EED: variants seen among roughly 807,000 people sequenced by gnomAD.
EED encodes embryonic ectoderm development, also known as polycomb protein EED.
In EED, 9 loss-of-function variants were observed where a neutral mutation model predicts 61.0. The ratio of observed to expected loss-of-function variants is 0.15; its 90% confidence interval spans 0.09 to 0.26. The LOEUF (loss-of-function observed/expected upper bound fraction) is 0.26. Ranked by LOEUF, EED falls within the 10% of genes least tolerant of loss-of-function variation. The pLI, the probability that EED is intolerant of heterozygous loss-of-function variation, is 1.00. For missense variants in EED, 315 were observed against 542.3 expected (o/e 0.58, Z 4.16); for synonymous variants, 187 against 174.4 (o/e 1.07, Z -0.57).
intron 2 of EED, among the ~76,000 whole-genome samples, chr11:86,251,307 TATAGTTTC>T: frequency 6.6e-6 from 1 of 152,290 alleles, no homozygotes; most frequent in East Asian, 1.9e-4. Flanking sequence ...AAAAGTCAAT[TATAGTTTC>T]ATGTGCATAT....
At chr11:86,261,092 A>C (rs1945815593) in intron 6 of EED, among the ~76,000 whole-genome samples, 1 of 152,116 alleles carries the variant, frequency 6.6e-6, no homozygotes, top group Non-Finnish European at 1.5e-5. Context: ...AGCCCCCAAA[A>C]TTCAAATCCT....
chr11:86,259,458 C>T (rs768320535), intron 6 of EED, among the ~76,000 whole-genome samples: 2 of 151,982 alleles, frequency 1.3e-5, no homozygotes, highest in African/African-American at 4.8e-5. Flanking sequence ...ACTACAGGCA[C>T]GTGCCGCCAT....
the EED span, among the ~76,000 whole-genome samples, chr11:86,284,886 C>T: frequency 6.6e-6 from 1 of 150,834 alleles, no homozygotes; most frequent in African/African-American, 2.4e-5. Context: ...CTGAGGTGGG[C>T]GGATCATCTG....
intron 8 of EED, 103 bp from the exon 9 acceptor site, chr11:86,268,353 T>C (rs952288830): frequency 1.4e-6 from 1 of 695,528 alleles, no homozygotes; most frequent in African/African-American, 1.8e-5. Context: ...ATTAATAGTC[T>C]TACATTTTGT....
intron 9 of EED, among the ~76,000 whole-genome samples, chr11:86,269,274 G>A (rs1314699653): frequency 1.3e-5 from 2 of 152,154 alleles, no homozygotes; most frequent in East Asian, 1.9e-4. Context: ...TACCATTTTG[G>A]TAAAGTTGAA....
intron 1 of EED, among the ~76,000 whole-genome samples, chr11:86,247,409 C>T (rs1256686200): frequency 6.6e-6 from 1 of 152,114 alleles, no homozygotes; most frequent in African/African-American, 2.4e-5. Context: ...TAGATGTAGT[C>T]CTATACTATA....
At chr11:86,285,249 G>T in the EED span, among the ~76,000 whole-genome samples, 1 of 152,064 alleles carries the variant, frequency 6.6e-6, no homozygotes, top group Non-Finnish European at 1.5e-5. Context: ...GCAAGACGCT[G>T]TCTCTACAAA....
chr11:86,264,126 A>G, intron 6 of EED, 46 bp from the exon 7 acceptor site: 1 of 1,456,430 alleles, frequency 6.9e-7, no homozygotes, highest in Non-Finnish European at 9.6e-7. Flanking sequence ...TTGAAAGTTC[A>G]CAGTAAATAA....
At chr11:86,255,345 C>T in intron 4 of EED, 58 bp downstream of exon 4, 1 of 1,343,018 alleles carries the variant, frequency 7.4e-7, no homozygotes, top group Non-Finnish European at 1.0e-6. Flanking sequence ...TCAATAAGTG[C>T]ACCAAAACTT....
At position 86,262,152 on chromosome 11, in the gene EED, G is replaced by T. The variant is rs573228229; in HGVS notation, c.635-2020G>T. On this transcript the variant is annotated intron_variant, in intron 6 of 11. Coordinates refer to ENST00000263360, the MANE Select transcript of EED (RefSeq NM_003797.5). The stretch of plus-strand genomic sequence containing the variant: ...CCACCTCAGCCTTCGAAAGTGTTGG[G>T]ATTACAGGTGTGAGCCACCACACCC... Among the ~76,000 whole-genome samples, 8 of 152,174 alleles carry T rather than the reference G, an allele frequency of 5.3e-5. No homozygotes were observed. In the East Asian group the frequency reaches 9.7e-4, roughly 18 times the overall value.
chr11:86,278,316 C>G, intron 11 of EED, 83 bp from the exon 12 acceptor site: 4 of 1,520,554 alleles, frequency 2.6e-6, no homozygotes, highest in Non-Finnish European at 3.5e-6. Flanking sequence ...GGAACATCTG[C>G]TTATTTTCTA....
In EED at chr11:86,249,847, C is replaced by A. The variant is rs140737415; in HGVS notation, c.115-449C>A. ...CTTCAAACGGCTCCCCAGCTCCATG[C>A]TCCAGACTGAGCAGCAGTCAAATAC... On this transcript the variant is annotated intron_variant, in intron 1 of 11. Coordinates refer to ENST00000263360, the MANE Select transcript of EED (RefSeq NM_003797.5). Among the ~76,000 whole-genome samples the A allele has an allele frequency of 6.3e-3, 966 of 152,326 alleles. 17 individuals carry two copies. The highest frequency in any genetic ancestry group is 0.022 in the African/African-American group (907 of 41,564).
chr11:86,274,330 A>C (rs1367582313), intron 9 of EED, among the ~76,000 whole-genome samples: 6 of 152,052 alleles, frequency 3.9e-5, no homozygotes, highest in South Asian at 2.1e-4. Context: ...CATCCATGTT[A>C]TCTCAGTGTT....
At chr11:86,268,910 T>A (rs77624627) in intron 9 of EED, among the ~76,000 whole-genome samples, 5,835 of 152,224 alleles carry the variant, frequency 0.038, 140 homozygotes, top group Middle Eastern at 0.071. Flanking sequence ...TGTGACTATT[T>A]TAGTAAAATT....
chr11:86,284,722 T>G, the EED span: 1 of 152,218 alleles, frequency 6.6e-6, no homozygotes, highest in African/African-American at 2.4e-5. Flanking sequence ...AAATGTAGAT[T>G]AATTCAAAAG....
At chr11:86,276,857 A>T (rs1223330762) in intron 9 of EED, 123 bp from the exon 10 acceptor site, 2 of 777,644 alleles carry the variant, frequency 2.6e-6, no homozygotes, top group African/African-American at 3.5e-5. Flanking sequence ...ACTGTACTTG[A>T]TAGATGGATT....
At chr11:86,248,829 G>A (rs1411971430) in intron 1 of EED, among the ~76,000 whole-genome samples, 3 of 152,074 alleles carry the variant, frequency 2.0e-5, no homozygotes, top group Non-Finnish European at 4.4e-5. Flanking sequence ...GACCAGCCTG[G>A]GCGACATCGT....
At chr11:86,260,411 T>G (rs1385082700) in intron 6 of EED, among the ~76,000 whole-genome samples, 1 of 148,356 alleles carries the variant, frequency 6.7e-6, no homozygotes, top group African/African-American at 2.5e-5. Context: ...AAATTTTTTG[T>G]AGAGATACGG....
intron 6 of EED, chr11:86,263,939 G>T: frequency 2.0e-6 from 1 of 491,032 alleles, no homozygotes; most frequent in Non-Finnish European, 3.6e-6. Context: ...CTATTGCATT[G>T]GGGATTGAGT....
Sources: gnomAD v4.1 joint callset for allele counts (sites outside exome capture counted in the v4.1 genomes callset) on GRCh38, gnomAD v4.1.1 for gene constraint, MANE v1.5 for transcripts, NCBI Gene and HGNC (gene_info 2026-07-23, HGNC 2026-07-21) for gene names.